CSMD1: variants seen among roughly 807,000 people sequenced by gnomAD.
CSMD1 encodes CUB and sushi domain-containing protein 1.
A neutral mutation model predicts 417.5 loss-of-function variants in CSMD1; 213 were observed. The observed-to-expected ratio is 0.51, with a 90% CI of 0.46 to 0.57. The LOEUF is 0.57. Among genes scored for constraint, CSMD1 ranks in the 20% least tolerant of loss-of-function variants. CSMD1 has a pLI of 0.00. For synonymous variants in CSMD1, 2,862 were observed against 1,736.8 expected (o/e 1.65, Z -16.11); for missense variants, 6,923 against 4,529.7 (o/e 1.53, Z -15.17).
intron 3 of CSMD1, among the ~76,000 whole-genome samples, chr8:4,321,757 A>G (rs979456860): frequency 6.6e-6 from 1 of 152,184 alleles, no homozygotes; most frequent in Non-Finnish European, 1.5e-5. Context: ...AGTACTTTCA[A>G]AAAGGATGCT....
chr8:4,692,071 A>G (rs763477852), intron 1 of CSMD1, among the ~76,000 whole-genome samples: 4 of 152,132 alleles, frequency 2.6e-5, no homozygotes, highest in Non-Finnish European at 5.9e-5. Flanking sequence ...AACCTACCCT[A>G]CAAATGGGAC....
At chr8:4,902,310 G>A (rs926588143) in intron 1 of CSMD1, among the ~76,000 whole-genome samples, 14 of 151,138 alleles carry the variant, frequency 9.3e-5, no homozygotes, top group Admixed American at 3.3e-4. Flanking sequence ...GATGGCACAC[G>A]CCTCTAGTCC....
At chr8:3,575,222 G>C (rs1020058426) in intron 9 of CSMD1, among the ~76,000 whole-genome samples, 156 bp from the exon 10 acceptor site, 1 of 150,384 alleles carries the variant, frequency 6.6e-6, no homozygotes, top group Non-Finnish European at 1.5e-5. Flanking sequence ...ATGGACTCCA[G>C]TCAGCAAGTG....
rs367761649 is a variant in CSMD1 at position 4,702,535 on chromosome 8, T to C, written c.86-64977A>G. Among the ~76,000 whole-genome samples the C allele has an allele frequency of 1.5e-3, 225 of 152,242 alleles. 7 individuals are homozygous for C. In the South Asian group the frequency reaches 0.041, roughly 28 times the overall value. On this transcript the variant is annotated intron_variant, in intron 1 of 69. Transcript: ENST00000635120. ...TAAAAATATTTACCAGCTTAAAAAA[T>C]AAAAAGACATTCATGAATTATAAAT...
intron 5 of CSMD1, among the ~76,000 whole-genome samples, chr8:3,757,832 AG>A (rs1797744569): frequency 6.7e-6 from 1 of 148,208 alleles, no homozygotes; most frequent in African/African-American, 2.5e-5. Context: ...CTGGGTGAAA[AG>A]AGCGAGACTT....
intron 20 of CSMD1, among the ~76,000 whole-genome samples, chr8:3,361,800 GTAGT>G (rs1809201363): frequency 6.6e-6 from 1 of 151,614 alleles, no homozygotes; most frequent in African/African-American, 2.4e-5. Context: ...ACTATATATT[GTAGT>G]TTATACAATA....
intron 3 of CSMD1, among the ~76,000 whole-genome samples, chr8:4,317,593 G>C (rs1480462770): frequency 8.1e-6 from 1 of 123,882 alleles, no homozygotes; most frequent in African/African-American, 3.0e-5. Flanking sequence ...AAGAGAGAGA[G>C]AGGAGAGAGG....
intron 5 of CSMD1, among the ~76,000 whole-genome samples, chr8:3,829,479 G>C (rs1401661284): frequency 6.6e-6 from 1 of 152,088 alleles, no homozygotes; most frequent in African/African-American, 2.4e-5. Flanking sequence ...CCGCCACCCT[G>C]CTGTTCTTGA....
intron 3 of CSMD1, among the ~76,000 whole-genome samples, chr8:4,338,523 C>T (rs911654983): frequency 4.6e-5 from 7 of 152,038 alleles, no homozygotes; most frequent in South Asian, 2.1e-4. Flanking sequence ...CAAAGTTCTT[C>T]GGCTTTTTCT....
chr8:3,531,862 T>C (rs1222288121), intron 10 of CSMD1, among the ~76,000 whole-genome samples: 1 of 152,100 alleles, frequency 6.6e-6, no homozygotes, highest in East Asian at 1.9e-4. Flanking sequence ...GCCAGGCCGG[T>C]CCACCATGGG....
intron 7 of CSMD1, among the ~76,000 whole-genome samples, chr8:3,655,506 C>G (rs1563239568): frequency 1.3e-5 from 2 of 152,104 alleles, no homozygotes; most frequent in Admixed American, 1.3e-4. Context: ...ATAAACACAG[C>G]CAGCTCAGGA....
chr8:3,568,665 C>G (rs1168053844), intron 10 of CSMD1, among the ~76,000 whole-genome samples: 2 of 151,674 alleles, frequency 1.3e-5, no homozygotes, highest in East Asian at 1.9e-4. Context: ...ACACACACCT[C>G]TCATTCCAGC....
intron 3 of CSMD1, among the ~76,000 whole-genome samples, chr8:4,343,285 A>G (rs1800584910): frequency 6.6e-6 from 1 of 152,106 alleles, no homozygotes; most frequent in Non-Finnish European, 1.5e-5. Context: ...AAGTGAATAT[A>G]GAGAGATATT....
At chr8:4,018,057 G>T (rs1284080924) in intron 4 of CSMD1, among the ~76,000 whole-genome samples, 1 of 145,978 alleles carries the variant, frequency 6.9e-6, no homozygotes, top group African/African-American at 2.7e-5. Context: ...ACTAGTGTGG[G>T]TATGTATGCT....
At position 3,107,725 on chromosome 8, in the gene CSMD1, G is replaced by A. The variant is rs371661443; in HGVS notation, c.6828C>T (p.Phe2276=). 12 of 1,581,252 alleles carry A rather than the reference G, an allele frequency of 7.6e-6. No individual in the cohort carries two copies. The highest frequency in any genetic ancestry group is 6.9e-5 in the South Asian group (6 of 87,400). ...QAEMLTEDDD[F]EIGDFVKYQC... is the part of the protein sequence containing the mutation. Reference sequence around the variant, plus strand: ...TAATGAAGAAAGTATTACCTATTTCGAAATCATCATCCTCAGTAAGCATTT... The same window carrying A: ...TAATGAAGAAAGTATTACCTATTTCAAAATCATCATCCTCAGTAAGCATTT... The change falls in exon 45 of 70, where the codon TTC becomes TTT. Residue 2276 remains phenylalanine, a synonymous_variant. Transcript: ENST00000635120.
chr8:3,233,586 T>C (rs1367854314), intron 26 of CSMD1, among the ~76,000 whole-genome samples: 1 of 152,264 alleles, frequency 6.6e-6, no homozygotes, highest in Non-Finnish European at 1.5e-5. Flanking sequence ...GGACATGTGA[T>C]GGCTTGGATT....
chr8:3,510,888 G>A (rs1049425029), intron 10 of CSMD1, among the ~76,000 whole-genome samples: 1 of 151,700 alleles, frequency 6.6e-6, no homozygotes, highest in Non-Finnish European at 1.5e-5. Context: ...TAAGTTCCTT[G>A]TAGGTTCTGG....
intron 5 of CSMD1, among the ~76,000 whole-genome samples, chr8:3,844,681 C>T (rs1803371036): frequency 1.3e-5 from 2 of 152,082 alleles, no homozygotes; most frequent in Admixed American, 6.6e-5. Flanking sequence ...TCATCATTGT[C>T]GGGAACTGCA....
At chr8:3,907,667 T>A (rs1005373617) in intron 5 of CSMD1, among the ~76,000 whole-genome samples, 6 of 152,170 alleles carry the variant, frequency 3.9e-5, no homozygotes, top group African/African-American at 1.4e-4. Context: ...TTAGGAAGAT[T>A]CAGGCAGAGA....
Sources: allele counts gnomAD v4.1 joint callset (sites outside exome capture counted in the v4.1 genomes callset), GRCh38; gene constraint gnomAD v4.1.1; transcripts MANE v1.5; gene names NCBI Gene and HGNC (gene_info 2026-07-23, HGNC 2026-07-21).